The following USP37 variants were observed in gnomAD, a reference collection of about 807,000 sequenced individuals.
The protein encoded by USP37 is ubiquitin carboxyl-terminal hydrolase 37.
In USP37, 27 loss-of-function variants were observed where a neutral mutation model predicts 124.0. The ratio of observed to expected loss-of-function variants is 0.22; its 90% CI spans 0.16 to 0.30. USP37 has a LOEUF of 0.30. Among genes scored for constraint, USP37 ranks in the 10% least tolerant of loss-of-function variants. USP37 has a pLI of 1.00. For synonymous variants in USP37, 365 were observed against 388.0 expected, an observed-to-expected ratio of 0.94 and a Z score of 0.70; for missense variants, 889 against 1,140.4, an observed-to-expected ratio of 0.78 and a Z score of 3.17.
chr2:218,534,438 G>C (rs970412400), intron 9 of USP37, among the ~76,000 whole-genome samples, 171 bp downstream of exon 9: 1 of 152,116 alleles, frequency 6.6e-6, no homozygotes, highest in Non-Finnish European at 1.5e-5. Flanking sequence ...GCAGTGAGCC[G>C]ATATTGTGCC....
At chr2:218,515,563 C>T (rs1269264837) in intron 10 of USP37, among the ~76,000 whole-genome samples, 1 of 152,224 alleles carries the variant, frequency 6.6e-6, no homozygotes, top group Non-Finnish European at 1.5e-5. Flanking sequence ...GGATTAAACA[C>T]TTAAACGTAA....
In USP37 at chr2:218,503,358, G is replaced by A. The variant is rs773094612; in HGVS notation, c.1026-5201C>T. On this transcript the variant is annotated intron_variant, in intron 11 of 25. Transcript: ENST00000258399. ...ATACACTTTAAATAGGTAACTACAC[G>A]GTACGTGAATTTTTAAGGCTGTAAA... is the stretch of plus-strand genomic sequence containing the variant. 5.9e-5 allele frequency among the ~76,000 whole-genome samples: 9 copies of A among 152,284 alleles called. No homozygotes were observed. In the East Asian group the frequency reaches 1.2e-3, roughly 20 times the overall value.
chr2:218,508,932 CAAAT>C (rs1689830125), intron 11 of USP37, among the ~76,000 whole-genome samples: 1 of 152,140 alleles, frequency 6.6e-6, no homozygotes, highest in Non-Finnish European at 1.5e-5. Context: ...AGATTAAAAA[CAAAT>C]AAGTTAATAG....
At chr2:218,526,785 C>CTTT (rs71064454) in intron 10 of USP37, among the ~76,000 whole-genome samples, 3,505 of 75,738 alleles carry the variant, frequency 0.046, 321 homozygotes, top group African/African-American at 0.11. Context: ...ATTTCATTTG[C>CTTT]TTTTTTTTTT....
Position 218,550,679 on chromosome 2 carries a change from G to A in USP37, c.329-770C>T, listed in dbSNP as rs1409147480. Among the ~76,000 whole-genome samples the A allele has an allele frequency of 4.0e-5, 6 of 150,932 alleles. No individual in the cohort carries two copies. The East Asian group carries it at 1.2e-3, about 29-fold the overall frequency. ...CTATGCTCCTACCAAGTATATGAGA[G>A]TATCTTGCTTCCCCTCACACTGCTA... On this transcript the variant is annotated intron_variant, in intron 5 of 25. Transcript: ENST00000258399.
chr2:218,540,828 G>A (rs756988932), intron 8 of USP37, among the ~76,000 whole-genome samples: 7 of 152,098 alleles, frequency 4.6e-5, no homozygotes, highest in Non-Finnish European at 8.8e-5. Context: ...ACTCATAGGA[G>A]TATCTCATTC....
At chr2:218,494,280 A>G (rs1688953792) in intron 14 of USP37, among the ~76,000 whole-genome samples, 1 of 152,258 alleles carries the variant, frequency 6.6e-6, no homozygotes, top group African/African-American at 2.4e-5. Flanking sequence ...GATATGGAGG[A>G]CAGAAAATTG....
At chr2:218,539,497 T>C (rs1691855205) in intron 8 of USP37, among the ~76,000 whole-genome samples, 1 of 149,984 alleles carries the variant, frequency 6.7e-6, no homozygotes, top group African/African-American at 2.5e-5. Context: ...GGCAGATCAC[T>C]TGAGCTCAGG....
At chr2:218,544,435 A>G (rs1420368735) in intron 8 of USP37, among the ~76,000 whole-genome samples, 3 of 84,952 alleles carry the variant, frequency 3.5e-5, no homozygotes, top group African/African-American at 7.2e-5. Context: ...ATATATAGAG[A>G]GAGAGAGAGA....
chr2:218,482,542 C>T (rs1249757793), intron 16 of USP37, among the ~76,000 whole-genome samples: 2 of 152,072 alleles, frequency 1.3e-5, no homozygotes, highest in Non-Finnish European at 2.9e-5. Flanking sequence ...TGGGTTAAAT[C>T]CTTAAATTAT....
At chr2:218,535,144 T>C (rs1691549060) in intron 8 of USP37, among the ~76,000 whole-genome samples, 1 of 151,268 alleles carries the variant, frequency 6.6e-6, no homozygotes, top group African/African-American at 2.4e-5. Context: ...GGCGGGCAGA[T>C]CGCGAGGTCA....
intron 4 of USP37, among the ~76,000 whole-genome samples, chr2:218,557,451 A>C (rs965325209): frequency 6.6e-6 from 1 of 151,616 alleles, no homozygotes; most frequent in African/African-American, 2.4e-5. Context: ...TTCCATCACC[A>C]CCTCTATCTT....
At chr2:218,567,806 G>A (rs1342534313) in intron 1 of USP37, among the ~76,000 whole-genome samples, 2 of 152,228 alleles carry the variant, frequency 1.3e-5, no homozygotes, top group Non-Finnish European at 2.9e-5. Flanking sequence ...GGAAGGTGAA[G>A]ATGGTCAAGA....
chr2:218,510,016 CT>C lies in USP37; in HGVS notation c.987del (p.Val330CysfsTer23). ...TGCTGTTGGTGAGAGGAAAGGGGCA[CT>C]CTTGGTTTATTCCAGCCAGTGTAAT... ...NQDYTGWNKP[R>X]VPLSSHQQQQ... On this transcript the variant is annotated frameshift_variant, in exon 11 of 26. Coordinates refer to ENST00000258399, the MANE Select transcript of USP37 (RefSeq NM_020935.3). LOFTEE classifies it high-confidence loss of function. 1 of 1,600,376 alleles carries C rather than the reference CT, an allele frequency of 6.2e-7. No homozygotes were observed. The highest frequency in any genetic ancestry group is 8.5e-7 in the Non-Finnish European group (1 of 1,170,314).
rs1997210 is a variant in USP37 at position 218,451,698 on chromosome 2, T to C, written c.*3232A>G. On this transcript the variant is annotated 3_prime_UTR_variant, in exon 26 of 26. Coordinates refer to ENST00000258399, the MANE Select transcript of USP37 (RefSeq NM_020935.3). Reference sequence around the variant, plus strand: ...TTAAAGCCTCTGTTTCAGAATTTTATACTTGATCAAGGAGAAAAATAAATG... The same window carrying C: ...TTAAAGCCTCTGTTTCAGAATTTTACACTTGATCAAGGAGAAAAATAAATG... 150,962 of 152,418 alleles carry C rather than the reference T, an allele frequency of 0.99. 74,777 individuals are homozygous for C. The highest frequency in any genetic ancestry group is 1 in the Middle Eastern group (294 of 294). 9.4% of individuals were successfully genotyped at this position (152,418 alleles called of 1,614,324 possible).
rs146200099 is a variant in USP37, at chr2:218,465,575, A to G, written c.2466+435T>C. Among the ~76,000 whole-genome samples, 173 of 152,282 alleles carry G rather than the reference A, an allele frequency of 1.1e-3. 1 individual carries two copies. The highest frequency in any genetic ancestry group is 4.0e-3 in the African/African-American group (165 of 41,562). On this transcript the variant is annotated intron_variant, in intron 21 of 25. Coordinates refer to ENST00000258399, the MANE Select transcript of USP37 (RefSeq NM_020935.3). ...CATTTGGATTGTCAAAAAAAGAAAC[A>G]CTACCCACGTACCTGTTTCAAACCC...
At position 218,529,972 on chromosome 2, in the gene USP37, C is replaced by T. The variant is rs758775890; in HGVS notation, c.847G>A (p.Gly283Ser). 5 of 1,612,610 alleles carry T rather than the reference C, an allele frequency of 3.1e-6. No individual in the cohort carries two copies. In the African/African-American group the frequency reaches 4.0e-5, roughly 13 times the overall value. ...RAGSKEHSSG[G>S]TNLDRTNVSS... Reference sequence around the variant, plus strand: ...AATGCATACCTGTCTAAGTTAGTGCCACCAGAAGAGTGTTCCTTGGATCCA... The same window carrying T: ...AATGCATACCTGTCTAAGTTAGTGCTACCAGAAGAGTGTTCCTTGGATCCA... Residue 283 changes from glycine (G) to serine (S), a missense_variant, in exon 10 of 26, where the codon GGC (glycine) becomes AGC (serine). Physicochemically the swap from Gly to Ser is moderately conservative, Grantham distance 56. Coordinates refer to ENST00000258399, the MANE Select transcript of USP37 (RefSeq NM_020935.3).
rs530197996 is a variant in USP37, at chr2:218,481,688, T to C, written c.1835+382A>G. ...GATTTCTTTTCTTTTCTTTTCTTTT[T>C]TTTTTTTTTTTTGAGATAGGGTCTT... On this transcript the variant is annotated intron_variant, in intron 17 of 25. Transcript: ENST00000258399. Among the ~76,000 whole-genome samples, 1,281 of 148,338 alleles carry C rather than the reference T, an allele frequency of 8.6e-3. 12 individuals carry two copies. The highest frequency in any genetic ancestry group is 0.013 in the Non-Finnish European group (850 of 67,432).
At chr2:218,476,379 G>A (rs1273339173) in intron 19 of USP37, among the ~76,000 whole-genome samples, 2 of 149,198 alleles carry the variant, frequency 1.3e-5, no homozygotes, top group African/African-American at 4.9e-5. Context: ...TTTTAGACCT[G>A]CCTAGGTCAC....
Sources: gnomAD v4.1 joint callset for allele counts (sites outside exome capture counted in the v4.1 genomes callset) on GRCh38, gnomAD v4.1.1 for gene constraint, MANE v1.5 for transcripts, NCBI Gene and HGNC (gene_info 2026-07-23, HGNC 2026-07-21) for gene names.